Variants in SHISA9 observed in about 807,000 individuals in gnomAD.
The protein encoded by SHISA9 is protein shisa-9.
In SHISA9, 13 loss-of-function variants were observed where a neutral mutation model predicts 38.0. That is an observed-to-expected ratio of 0.34 (90% confidence interval 0.22 to 0.54). The LOEUF (loss-of-function observed/expected upper bound fraction) is 0.54, where lower values mean the gene tolerates loss of function less well. Among genes scored for constraint, SHISA9 ranks in the 20% least tolerant of loss-of-function variants. The pLI, the probability that SHISA9 is intolerant of heterozygous loss-of-function variation, is 0.91. For synonymous variants in SHISA9, 275 were observed against 242.0 expected, an observed-to-expected ratio of 1.14 and a Z score of -1.27; for missense variants, 538 against 575.8, an observed-to-expected ratio of 0.93 and a Z score of 0.67.
the SHISA9 span, among the ~76,000 whole-genome samples, chr16:13,492,641 C>T: frequency 6.6e-6 from 1 of 152,212 alleles, no homozygotes; most frequent in African/African-American, 2.4e-5. Context: ...CAGTATCTAA[C>T]ATAGCACCTG....
chr16:13,401,194 T>G, the SHISA9 span, among the ~76,000 whole-genome samples: 4 of 152,206 alleles, frequency 2.6e-5, no homozygotes, highest in Admixed American at 6.5e-5. Flanking sequence ...TTACCTCCAT[T>G]CACTTCTTTG....
the SHISA9 span, among the ~76,000 whole-genome samples, chr16:13,276,056 G>A: frequency 6.6e-6 from 1 of 151,924 alleles, no homozygotes; most frequent in African/African-American, 2.4e-5. Context: ...CATATTTGTA[G>A]TCTTTTATCC....
chr16:13,469,409 G>GAAAT, the SHISA9 span, among the ~76,000 whole-genome samples: 1 of 124,504 alleles, frequency 8.0e-6, no homozygotes, highest in African/African-American at 3.2e-5. Context: ...AAGAAAGAAA[G>GAAAT]AAAGAAAGAA....
chr16:12,982,665 C>T (rs1249623339), intron 2 of SHISA9, among the ~76,000 whole-genome samples: 1 of 152,134 alleles, frequency 6.6e-6, no homozygotes, highest in African/African-American at 2.4e-5. Context: ...ACTTGCTAGG[C>T]TAGACCAGGT....
In SHISA9 at chr16:13,169,622, G is replaced by A. The variant is rs545901092; in HGVS notation, c.692-33772G>A. ...TAGGCAGCTGATGTATCATTTTTAA[G>A]AGGAGGAAAACAAAACATTTTATCA... On this transcript the variant is annotated intron_variant, in intron 2 of 4. Transcript: ENST00000558583. 2.3e-3 allele frequency among the ~76,000 whole-genome samples: 350 copies of A among 152,338 alleles called. 2 individuals carry two copies. Among genetic ancestry groups the A allele is most frequent in the African/African-American group, 8.2e-3 (339 of 41,590 alleles).
At chr16:13,012,347 T>C (rs944031990) in intron 2 of SHISA9, among the ~76,000 whole-genome samples, 22 of 151,872 alleles carry the variant, frequency 1.4e-4, no homozygotes, top group African/African-American at 5.3e-4. Context: ...AATGGAATAA[T>C]GAGGAGGAAT....
In SHISA9 at chr16:13,189,114, A is replaced by ACTT. The variant is rs563556205; in HGVS notation, c.692-14277_692-14275dup. On this transcript the variant is annotated intron_variant, in intron 2 of 4. Transcript: ENST00000558583. ...ATCCCTGCTAATACCATGACCTCAG[A>ACTT]CTTCTAGCTCTGGGGACTGTGAGAT... Among the ~76,000 whole-genome samples, 320 of 152,326 alleles carry ACTT rather than the reference A, an allele frequency of 2.1e-3. 1 individual carries two copies. Among genetic ancestry groups the ACTT allele is most frequent in the African/African-American group, 7.1e-3 (296 of 41,564 alleles).
intron 2 of SHISA9, among the ~76,000 whole-genome samples, chr16:12,935,047 A>G (rs2071511111): frequency 6.6e-6 from 1 of 152,140 alleles, no homozygotes; most frequent in Non-Finnish European, 1.5e-5. Context: ...ATTCAAGTGT[A>G]AGATTCTTAA....
the SHISA9 span, among the ~76,000 whole-genome samples, chr16:13,462,190 G>A: frequency 1.3e-5 from 2 of 151,750 alleles, no homozygotes; most frequent in South Asian, 2.1e-4. Context: ...AGGATTATTC[G>A]AGCCCAGGAG....
At chr16:13,507,678 A>C in the SHISA9 span, among the ~76,000 whole-genome samples, 6 of 152,226 alleles carry the variant, frequency 3.9e-5, no homozygotes, top group African/African-American at 1.4e-4. Context: ...GTTTTGCAAC[A>C]GGAAGTCAAA....
the SHISA9 span, among the ~76,000 whole-genome samples, chr16:13,530,775 A>C: frequency 2.0e-5 from 3 of 152,120 alleles, no homozygotes; most frequent in Admixed American, 2.0e-4. Context: ...CGGGAGGCCA[A>C]CCTGACCTGT....
the SHISA9 span, among the ~76,000 whole-genome samples, chr16:13,502,673 G>T: frequency 2.6e-5 from 4 of 152,058 alleles, no homozygotes; most frequent in Non-Finnish European, 5.9e-5. Context: ...TCAAAAGCTC[G>T]AGACCAGCCT....
the SHISA9 span, among the ~76,000 whole-genome samples, chr16:13,307,455 G>C: frequency 6.6e-6 from 1 of 152,170 alleles, no homozygotes; most frequent in East Asian, 1.9e-4. Context: ...TTCTGTTCTA[G>C]TAGAAGCACG....
intron 2 of SHISA9, among the ~76,000 whole-genome samples, chr16:12,921,390 A>G (rs983236720): frequency 2.0e-5 from 3 of 152,196 alleles, no homozygotes; most frequent in African/African-American, 7.2e-5. Context: ...GCTCATATCT[A>G]GGACCATTTA....
chr16:13,553,899 A>G, the SHISA9 span, among the ~76,000 whole-genome samples: 3 of 152,310 alleles, frequency 2.0e-5, no homozygotes, highest in East Asian at 1.9e-4. Context: ...TCCAAACCAG[A>G]TGATGATCCA....
the SHISA9 span, among the ~76,000 whole-genome samples, chr16:13,437,256 G>A: frequency 6.6e-6 from 1 of 152,122 alleles, no homozygotes; most frequent in Non-Finnish European, 1.5e-5. Context: ...CATGGTTACT[G>A]TAAGATGATA....
chr16:13,069,919 C>A (rs2073491206), intron 2 of SHISA9, among the ~76,000 whole-genome samples: 1 of 152,116 alleles, frequency 6.6e-6, no homozygotes. Context: ...GACACCTAAT[C>A]TGCCAGCACT....
At chr16:13,336,366 T>C in the SHISA9 span, among the ~76,000 whole-genome samples, 1 of 152,242 alleles carries the variant, frequency 6.6e-6, no homozygotes, top group Non-Finnish European at 1.5e-5. Flanking sequence ...GTTCCTATTA[T>C]GGATCCAAGT....
intron 2 of SHISA9, among the ~76,000 whole-genome samples, chr16:13,182,278 A>G (rs2142032410): frequency 6.6e-6 from 1 of 152,332 alleles, no homozygotes; most frequent in African/African-American, 2.4e-5. Flanking sequence ...CAGAGAAGTT[A>G]AGTAACTTAC....
Sources: gnomAD v4.1 joint callset for allele counts (sites outside exome capture counted in the v4.1 genomes callset) on GRCh38, gnomAD v4.1.1 for gene constraint, MANE v1.5 for transcripts, NCBI Gene and HGNC (gene_info 2026-07-23, HGNC 2026-07-21) for gene names.